The following ST6GALNAC3 variants were observed in gnomAD, a reference collection of about 807,000 sequenced individuals.
ST6GALNAC3 encodes the protein alpha-N-acetylgalactosaminide alpha-2,6-sialyltransferase 3.
ST6GALNAC3 carries 25 observed loss-of-function variants against 32.7 expected under a neutral mutation model. That is an observed-to-expected ratio of 0.76 (90% confidence interval 0.56 to 1.07). The LOEUF (loss-of-function observed/expected upper bound fraction) is 1.07. Among genes scored for constraint, ST6GALNAC3 ranks in the 50% least tolerant of loss-of-function variants. The probability of loss-of-function intolerance (pLI) is 0.00; values close to 1 mark genes in which losing one functional copy is unlikely to be tolerated. For missense variants in ST6GALNAC3, 355 were observed against 382.4 expected (o/e 0.93, Z 0.60); for synonymous variants, 129 against 133.1 (o/e 0.97, Z 0.21).
At chr1:76,604,289 T>G (rs1647384893) in intron 3 of ST6GALNAC3, among the ~76,000 whole-genome samples, 1 of 152,142 alleles carries the variant, frequency 6.6e-6, no homozygotes, top group Non-Finnish European at 1.5e-5. Context: ...TCAAATGTGT[T>G]CAGGAATGCA....
At chr1:76,238,570 T>A (rs1292470096) in intron 1 of ST6GALNAC3, among the ~76,000 whole-genome samples, 1 of 152,180 alleles carries the variant, frequency 6.6e-6, no homozygotes, top group Non-Finnish European at 1.5e-5. Flanking sequence ...AGATGGATGA[T>A]GCAGCCATAA....
intron 2 of ST6GALNAC3, among the ~76,000 whole-genome samples, chr1:76,393,386 T>C (rs1024594852): frequency 1.3e-5 from 2 of 152,156 alleles, no homozygotes; most frequent in Admixed American, 1.3e-4. Context: ...ATCTGAGAAA[T>C]CATTCTCATC....
chr1:76,509,792 C>A lies in ST6GALNAC3; in HGVS notation c.623+97375C>A, dbSNP rs1371780657. On this transcript the variant is annotated intron_variant, in intron 3 of 4. Transcript: ENST00000328299. This position sits in a 1 kb window ranked among gnomAD's most constrained non-coding sequence, Gnocchi z 5.5. Reference sequence around the variant, plus strand: ...AATTTCTGCTTCCATTCTCACATATCTTTTCCTCACATTGCTGTTTCTCTA... The same window carrying A: ...AATTTCTGCTTCCATTCTCACATATATTTTCCTCACATTGCTGTTTCTCTA... Among the ~76,000 whole-genome samples, 1 of 152,154 alleles carries A rather than the reference C, an allele frequency of 6.6e-6. No individual in the cohort carries two copies. Among genetic ancestry groups the A allele is most frequent in the African/African-American group, 2.4e-5 (1 of 41,444 alleles).
chr1:76,424,306 A>G (rs1212235558), intron 3 of ST6GALNAC3, among the ~76,000 whole-genome samples: 1 of 151,858 alleles, frequency 6.6e-6, no homozygotes, highest in African/African-American at 2.4e-5. Flanking sequence ...CCAAAAGTGA[A>G]CCATTGGCAG....
intron 3 of ST6GALNAC3, among the ~76,000 whole-genome samples, chr1:76,560,917 A>G (rs1462152424): frequency 6.6e-6 from 1 of 152,188 alleles, no homozygotes; most frequent in Non-Finnish European, 1.5e-5. Context: ...TGGAAGCCAA[A>G]ATTTGGAAGC....
chr1:76,616,996 A>G (rs1289113544), intron 3 of ST6GALNAC3, among the ~76,000 whole-genome samples: 4 of 152,208 alleles, frequency 2.6e-5, no homozygotes, highest in Non-Finnish European at 4.4e-5. Context: ...AGGCTCATTT[A>G]ACAATGATCC....
chr1:76,136,934 G>C (rs1292197361), intron 1 of ST6GALNAC3, among the ~76,000 whole-genome samples: 1 of 152,122 alleles, frequency 6.6e-6, no homozygotes, highest in East Asian at 1.9e-4. Context: ...TCAATCCTAG[G>C]TGCTTGAAAA....
intron 3 of ST6GALNAC3, among the ~76,000 whole-genome samples, chr1:76,579,240 A>G (rs928745590): frequency 2.0e-5 from 3 of 152,068 alleles, no homozygotes; most frequent in East Asian, 1.9e-4. Context: ...AGAAACCTCT[A>G]TGCATCGATC....
intron 3 of ST6GALNAC3, among the ~76,000 whole-genome samples, chr1:76,419,120 G>C (rs1654853327): frequency 6.6e-6 from 1 of 151,640 alleles, no homozygotes; most frequent in Admixed American, 6.6e-5. Context: ...GACAATTTAG[G>C]ATTAAAACAA....
chr1:76,247,487 C>T (rs892453740), intron 1 of ST6GALNAC3, among the ~76,000 whole-genome samples: 1 of 152,118 alleles, frequency 6.6e-6, no homozygotes, highest in African/African-American at 2.4e-5. Flanking sequence ...AAGCCCCTGA[C>T]TGGGGCTGCT....
chr1:76,340,673 C>T (rs1018379336), intron 2 of ST6GALNAC3, among the ~76,000 whole-genome samples: 3 of 152,124 alleles, frequency 2.0e-5, no homozygotes, highest in African/African-American at 7.2e-5. Context: ...CTAGTTTTTA[C>T]AAAAGGCTGA....
At chr1:76,395,861 C>G (rs1652915243) in intron 2 of ST6GALNAC3, among the ~76,000 whole-genome samples, 1 of 151,976 alleles carries the variant, frequency 6.6e-6, no homozygotes, top group African/African-American at 2.4e-5. Context: ...TTAATGGGTA[C>G]AAATACACCA....
chr1:76,534,256 T>G (rs890850622), intron 3 of ST6GALNAC3, among the ~76,000 whole-genome samples: 1 of 152,128 alleles, frequency 6.6e-6, no homozygotes, highest in Non-Finnish European at 1.5e-5. Flanking sequence ...TTGGCCAGAC[T>G]GGTCTCAAAC....
intron 1 of ST6GALNAC3, among the ~76,000 whole-genome samples, chr1:76,108,202 A>T (rs1647671574): frequency 6.6e-6 from 1 of 152,180 alleles, no homozygotes. Context: ...CAGTGAACTG[A>T]AGCTGTTCTC....
At chr1:76,441,953 G>A (rs112337347) in intron 3 of ST6GALNAC3, among the ~76,000 whole-genome samples, 2,256 of 152,262 alleles carry the variant, frequency 0.015, 23 homozygotes, top group Middle Eastern at 0.051. Context: ...ATGAGTAGAA[G>A]GTCTCTCATG....
rs11162119 is a variant in ST6GALNAC3 at position 76,314,104 on chromosome 1, C to T, written c.213+105C>T. 0.015 allele frequency: 16,637 copies of T among 1,102,274 alleles called. 1,617 individuals are homozygous for T. The African/African-American group carries it at 0.22, about 15-fold the overall frequency. 68.3% of individuals were successfully genotyped at this position (1,102,274 alleles called of 1,614,324 possible). A position where few individuals can be genotyped will look rare whatever the true frequency, so the allele number is the denominator to read the frequency against. ...CTCACTGAACTTACTCTGTCTGCCC[C>T]GGAGAGCTTGCTTGGGTCCCTGACA... On this transcript the variant is annotated intron_variant, in intron 2 of 4. Coordinates refer to ENST00000328299, the MANE Select transcript of ST6GALNAC3 (RefSeq NM_152996.4).
intron 2 of ST6GALNAC3, among the ~76,000 whole-genome samples, chr1:76,377,688 A>G (rs940586618): frequency 3.3e-5 from 5 of 152,126 alleles, no homozygotes; most frequent in Non-Finnish European, 7.4e-5. Flanking sequence ...TTTATGACCT[A>G]CTGCTTACCA....
At position 76,629,670 on chromosome 1, in the gene ST6GALNAC3, A is replaced by G. The variant is rs12403583; in HGVS notation, c.*864A>G. The G allele has an allele frequency of 0.14, 138,991 of 984,742 alleles. 10,425 individuals carry two copies. Among genetic ancestry groups the G allele is most frequent in the Admixed American group, 0.24 (3,853 of 16,224 alleles). 61.0% of individuals were successfully genotyped at this position (984,742 alleles called of 1,614,324 possible). A position where few individuals can be genotyped will look rare whatever the true frequency, so the allele number is the denominator to read the frequency against. ...GTGAAAACATTCCTAAAAAGTAACC[A>G]AAGGGTTTGCTAACTCTGCTTCAAC... On this transcript the variant is annotated 3_prime_UTR_variant, in exon 5 of 5. Coordinates refer to ENST00000328299, the MANE Select transcript of ST6GALNAC3 (RefSeq NM_152996.4).
intron 1 of ST6GALNAC3, among the ~76,000 whole-genome samples, chr1:76,287,068 T>A (rs552155393): frequency 1.9e-3 from 284 of 152,314 alleles, no homozygotes; most frequent in African/African-American, 6.4e-3. Flanking sequence ...ATAACTTTTT[T>A]AAAAAGAAAC....
Sources: gnomAD v4.1 joint callset for allele counts (sites outside exome capture counted in the v4.1 genomes callset) on GRCh38, gnomAD v4.1.1 for gene constraint, Gnocchi (gnomAD v3.1) non-coding constraint, MANE v1.5 for transcripts, NCBI Gene and HGNC (gene_info 2026-07-23, HGNC 2026-07-21) for gene names.